The following GNAT3 variants were observed in gnomAD, a reference collection of about 807,000 sequenced individuals.
The protein encoded by GNAT3 is G protein subunit alpha transducin 3.
A neutral mutation model predicts 37.7 loss-of-function variants in GNAT3; 31 were observed. The ratio of observed to expected loss-of-function variants is 0.82; its 90% confidence interval spans 0.62 to 1.11. The LOEUF (loss-of-function observed/expected upper bound fraction) is 1.11, where lower values mean the gene tolerates loss of function less well. GNAT3 is among the 50% of genes most tolerant of loss of function. GNAT3 has a pLI of 0.00. For missense variants in GNAT3, 437 were observed against 412.5 expected, an observed-to-expected ratio of 1.06 and a Z score of -0.51; for synonymous variants, 138 against 139.8, an observed-to-expected ratio of 0.99 and a Z score of 0.09.
chr7:80,501,080 T>C (rs1356656981), intron 1 of GNAT3, among the ~76,000 whole-genome samples: 1 of 152,142 alleles, frequency 6.6e-6, no homozygotes, highest in African/African-American at 2.4e-5. Flanking sequence ...AATTTTGAAA[T>C]GCTCTGCCCA....
intron 5 of GNAT3, among the ~76,000 whole-genome samples, chr7:80,472,949 G>A: frequency 6.6e-6 from 1 of 152,142 alleles, no homozygotes; most frequent in Non-Finnish European, 1.5e-5. Flanking sequence ...GAGACATCTG[G>A]AGAAAAGAAA....
At chr7:80,503,050 A>T (rs545988841) in intron 1 of GNAT3, among the ~76,000 whole-genome samples, 23 of 152,082 alleles carry the variant, frequency 1.5e-4, no homozygotes, top group South Asian at 2.1e-4. Flanking sequence ...GGTAGTCTTT[A>T]TTTTTTTTAA....
intron 5 of GNAT3, among the ~76,000 whole-genome samples, chr7:80,466,141 G>A (rs1275044067): frequency 3.3e-5 from 5 of 152,046 alleles, no homozygotes; most frequent in South Asian, 2.1e-4. Context: ...ACCAGTCATG[G>A]AGCCAAGACA....
At chr7:80,479,617 G>A (rs545675068) in intron 3 of GNAT3, among the ~76,000 whole-genome samples, 4 of 151,046 alleles carry the variant, frequency 2.6e-5, no homozygotes, top group African/African-American at 9.7e-5. Context: ...AGGCTGAGGT[G>A]GGAGAATTGC....
At chr7:80,476,813 C>CT (rs1790311455) in intron 4 of GNAT3, among the ~76,000 whole-genome samples, 1 of 151,806 alleles carries the variant, frequency 6.6e-6, no homozygotes, top group African/African-American at 2.4e-5. Flanking sequence ...GACCATTCAA[C>CT]TACCTTTCTC....
intron 1 of GNAT3, among the ~76,000 whole-genome samples, chr7:80,497,578 A>ATATACATATG (rs1790744768): frequency 1.4e-5 from 2 of 140,534 alleles, no homozygotes; most frequent in African/African-American, 5.3e-5. Context: ...ATATACATAT[A>ATATACATATG]CGTATATACA....
At chr7:80,508,433 G>T (rs560033586) in intron 1 of GNAT3, among the ~76,000 whole-genome samples, 1 of 152,036 alleles carries the variant, frequency 6.6e-6, no homozygotes, top group African/African-American at 2.4e-5. Flanking sequence ...TGAATGAAAC[G>T]TTTATAAAAC....
At chr7:80,467,845 C>T (rs1463178677) in intron 5 of GNAT3, among the ~76,000 whole-genome samples, 1 of 151,868 alleles carries the variant, frequency 6.6e-6, no homozygotes, top group Non-Finnish European at 1.5e-5. Flanking sequence ...ACTCTTAACT[C>T]CCTGAATAAA....
At chr7:80,476,316 C>T (rs962073520) in intron 4 of GNAT3, among the ~76,000 whole-genome samples, 13 of 150,824 alleles carry the variant, frequency 8.6e-5, no homozygotes, top group African/African-American at 3.2e-4. Flanking sequence ...AATAGAGGCC[C>T]TTAACATATA....
chr7:80,474,447 ATACACACATACATACATATATATG>A, intron 4 of GNAT3, 68 bp from the exon 5 acceptor site: 2 of 658,270 alleles, frequency 3.0e-6, no homozygotes, highest in Non-Finnish European at 5.1e-6. Context: ...ATATGTATAT[ATACACACATACATACATATATATG>A]TGTGTGTATA....
At chr7:80,486,850 A>G (rs1303087626) in intron 3 of GNAT3, among the ~76,000 whole-genome samples, 1 of 151,878 alleles carries the variant, frequency 6.6e-6, no homozygotes, top group Non-Finnish European at 1.5e-5. Flanking sequence ...AGTCTATTTA[A>G]ATAAGTAGCA....
intron 2 of GNAT3, among the ~76,000 whole-genome samples, chr7:80,489,354 T>G (rs1158352116): frequency 6.6e-6 from 1 of 152,182 alleles, no homozygotes; most frequent in African/African-American, 2.4e-5. Context: ...TATCAAAAGC[T>G]AAAATCGTTA....
At chr7:80,486,949 C>T (rs1213646468) in intron 3 of GNAT3, among the ~76,000 whole-genome samples, 3 of 152,116 alleles carry the variant, frequency 2.0e-5, no homozygotes, top group Non-Finnish European at 4.4e-5. Flanking sequence ...TTAAATCATT[C>T]TCAAAGGAAT....
In GNAT3 at chr7:80,488,547, A is replaced by G. The variant is rs545908202; in HGVS notation, c.291T>C (p.Asn97=). ...AMTTLGIDYV[N]PRSAEDQRQL... is the part of the protein sequence containing the mutation. ...TTTGCATACTTACTGCACTTCTGGG[A>G]TTTACATAATCAATTCCAAGGGTAG... Residue 97 remains asparagine (N), a synonymous_variant, in exon 3 of 8, where the codon AAT becomes AAC. Transcript: ENST00000398291. 24 of 1,601,226 alleles carry G rather than the reference A, an allele frequency of 1.5e-5. No individual in the cohort carries two copies. Among genetic ancestry groups the G allele is most frequent in the Non-Finnish European group, 1.9e-5 (22 of 1,172,756 alleles).
chr7:80,497,333 A>G (rs1790735567), intron 1 of GNAT3, among the ~76,000 whole-genome samples: 2 of 152,190 alleles, frequency 1.3e-5, no homozygotes, highest in Middle Eastern at 3.4e-3. Flanking sequence ...GCTTTGCACA[A>G]TAGTCTGGTT....
chr7:80,494,720 C>A (rs1324644417), intron 1 of GNAT3, 73 bp from the exon 2 acceptor site: 10 of 878,054 alleles, frequency 1.1e-5, no homozygotes, highest in Non-Finnish European at 1.8e-5. Flanking sequence ...TATCACTTTT[C>A]ATGGATAATC....
At chr7:80,488,060 A>T (rs868637450) in intron 3 of GNAT3, among the ~76,000 whole-genome samples, 3 of 152,086 alleles carry the variant, frequency 2.0e-5, no homozygotes, top group Admixed American at 1.3e-4. Flanking sequence ...TACAATTTGA[A>T]TTCTTTTTTA....
intron 1 of GNAT3, 44 bp downstream of exon 1, chr7:80,511,764 GA>G (rs765448134): frequency 3.1e-5 from 36 of 1,160,860 alleles, no homozygotes; most frequent in South Asian, 1.1e-4. Context: ...TATCACAATT[GA>G]AAAAAAAGTC....
In GNAT3 at chr7:80,512,024, T is replaced by C; in HGVS notation, c.-98A>G. 1.3e-6 allele frequency: 1 copy of C among 765,150 alleles called. No homozygotes were observed. The highest frequency in any genetic ancestry group is 2.2e-6 in the Non-Finnish European group (1 of 447,952). 47.4% of individuals were successfully genotyped at this position (765,150 alleles called of 1,614,324 possible). ...ATAGGAGGCAAGAGTAATGCTCTGC[T>C]GAAGTACCTAGCAGTCCATTCCCTA... On this transcript the variant is annotated 5_prime_UTR_variant, in exon 1 of 8. Transcript: ENST00000398291.
Sources: allele counts gnomAD v4.1 joint callset (sites outside exome capture counted in the v4.1 genomes callset), GRCh38; gene constraint gnomAD v4.1.1; transcripts MANE v1.5; gene names NCBI Gene and HGNC (gene_info 2026-07-23, HGNC 2026-07-21).